The following STAMBP variants were observed in gnomAD, a reference collection of about 807,000 sequenced individuals.
The protein encoded by STAMBP is STAM-binding protein.
Under a neutral mutation model 50.7 loss-of-function variants are expected in STAMBP, and 31 were observed. That is an observed-to-expected ratio of 0.61 (90% CI 0.46 to 0.83). The LOEUF is 0.83. Among genes scored for constraint, STAMBP ranks in the 40% least tolerant of loss-of-function variants. The pLI is 0.00. For missense variants in STAMBP, 472 were observed against 518.9 expected, an observed-to-expected ratio of 0.91 and a Z score of 0.88; for synonymous variants, 211 against 192.4, an observed-to-expected ratio of 1.10 and a Z score of -0.80.
chr2:73,872,759 A>C (rs1679250674), intron 10 of STAMBP, among the ~76,000 whole-genome samples: 1 of 152,242 alleles, frequency 6.6e-6, no homozygotes, highest in African/African-American at 2.4e-5. Flanking sequence ...GGACTCTAGA[A>C]ACCTCGTAGA....
chr2:73,872,664 A>G (rs1679248482), intron 10 of STAMBP, among the ~76,000 whole-genome samples: 2 of 152,216 alleles, frequency 1.3e-5, no homozygotes, highest in Admixed American at 1.3e-4. Flanking sequence ...GTGAGGGAGA[A>G]ATGAATGTTC....
chr2:73,859,693 AAAAT>A (rs1328314706), intron 8 of STAMBP, among the ~76,000 whole-genome samples: 6 of 141,236 alleles, frequency 4.2e-5, no homozygotes, highest in Non-Finnish European at 4.5e-5. Flanking sequence ...AAAAAAATAA[AAAAT>A]AAAAAATAAA....
intron 2 of STAMBP, among the ~76,000 whole-genome samples, chr2:73,842,667 G>A (rs1402019106): frequency 6.6e-6 from 1 of 152,152 alleles, no homozygotes; most frequent in African/African-American, 2.4e-5. Flanking sequence ...TTAGTGCATG[G>A]TAAAGTTGGT....
At chr2:73,868,326 T>G (rs1679049902), downstream of STAMBP, among the ~76,000 whole-genome samples, 1 of 152,096 alleles carries the variant, frequency 6.6e-6, no homozygotes. Context: ...TTATGCATCC[T>G]CATGTAGGAC....
At chr2:73,836,261 C>G (rs1674699208) in intron 2 of STAMBP, among the ~76,000 whole-genome samples, 1 of 152,184 alleles carries the variant, frequency 6.6e-6, no homozygotes, top group South Asian at 2.1e-4. Flanking sequence ...AAGGGCTGGC[C>G]CGTCGTCGGA....
Position 73,862,627 on chromosome 2 carries a change from T to C in STAMBP, c.*368T>C. ...CTATCCTTCTAATTTCTCTCTAATT[T>C]CAATTTGTTTATATTTACCTCTGGG... On this transcript the variant is annotated 3_prime_UTR_variant, in exon 10 of 10. Transcript: ENST00000394070. 1 of 157,418 alleles carries C rather than the reference T, an allele frequency of 6.4e-6. No homozygotes were observed. Among genetic ancestry groups the C allele is most frequent in the East Asian group, 1.8e-4 (1 of 5,430 alleles). 9.8% of individuals were successfully genotyped at this position (157,418 alleles called of 1,614,324 possible). A position where few individuals can be genotyped will look rare whatever the true frequency, so the allele number is the denominator to read the frequency against.
At chr2:73,853,064 G>T (rs1333942617) in intron 7 of STAMBP, among the ~76,000 whole-genome samples, 1 of 151,946 alleles carries the variant, frequency 6.6e-6, no homozygotes, top group African/African-American at 2.4e-5. Context: ...GCCAAGGAAG[G>T]CTTTAAGAAA....
chr2:73,846,590 C>T (rs941374706), intron 4 of STAMBP, among the ~76,000 whole-genome samples: 3 of 149,726 alleles, frequency 2.0e-5, no homozygotes, highest in Admixed American at 6.7e-5. Flanking sequence ...TTGACCACTA[C>T]AGTCCAGCCT....
intron 2 of STAMBP, among the ~76,000 whole-genome samples, chr2:73,839,450 A>G (rs1024605289): frequency 6.6e-5 from 10 of 152,144 alleles, no homozygotes; most frequent in African/African-American, 2.4e-4. Flanking sequence ...TTTTTCTGAA[A>G]ATGAACTGTC....
chr2:73,836,662 G>C (rs1043122358), intron 2 of STAMBP, among the ~76,000 whole-genome samples: 2 of 152,248 alleles, frequency 1.3e-5, no homozygotes, highest in Non-Finnish European at 2.9e-5. Context: ...GAGGCTGGGA[G>C]GGAGAGCAGT....
chr2:73,870,618 GACA>G (rs1224570367), downstream of STAMBP, among the ~76,000 whole-genome samples: 3 of 152,162 alleles, frequency 2.0e-5, no homozygotes, highest in African/African-American at 7.2e-5. Context: ...ATTGGTGGGT[GACA>G]GAAGTGAAAA....
Position 73,844,978 on chromosome 2 carries a change from G to C in STAMBP, c.279+90G>C, listed in dbSNP as rs1573312028. On this transcript the variant is annotated intron_variant, in intron 3 of 9. Transcript: ENST00000394070. ...TAAAAGTAGTAGTCTCTGCATCTGA[G>C]TACCAGATCCTGCAATAGGAGATAA... is the stretch of plus-strand genomic sequence containing the variant. The C allele has an allele frequency of 7.8e-6, 12 of 1,544,752 alleles. No individual in the cohort carries two copies. The East Asian group carries it at 2.8e-4, about 36-fold the overall frequency.
downstream of STAMBP, among the ~76,000 whole-genome samples, chr2:73,868,184 A>G (rs1679041444): frequency 6.6e-6 from 1 of 152,036 alleles, no homozygotes; most frequent in African/African-American, 2.4e-5. Context: ...TATGAGCACA[A>G]TCTCATAAAT....
intron 7 of STAMBP, chr2:73,855,523 T>G (rs903866125): frequency 1.8e-5 from 8 of 446,260 alleles, no homozygotes; most frequent in Non-Finnish European, 3.2e-5. Flanking sequence ...TACCCACGTT[T>G]GCTCCCAGTT....
chr2:73,850,189 G>A lies in STAMBP; in HGVS notation c.868-187G>A, dbSNP rs1040609439. 3.3e-5 allele frequency among the ~76,000 whole-genome samples: 5 copies of A among 152,290 alleles called. No individual in the cohort carries two copies. Among genetic ancestry groups the A allele is most frequent in the East Asian group, 3.9e-4 (2 of 5,182 alleles). Reference sequence around the variant, plus strand: ...TCTGGGGTTGGTCTCTGCATCTGTCGCTGTACAGAGTACCCCAGGCAATGT... The same window carrying A: ...TCTGGGGTTGGTCTCTGCATCTGTCACTGTACAGAGTACCCCAGGCAATGT... On this transcript the variant is annotated intron_variant, in intron 6 of 9. Transcript: ENST00000394070. The surrounding 1 kb of genome is among the most constrained non-coding windows in gnomAD (Gnocchi z 4.3).
At chr2:73,848,636 G>C (rs1021906434) in intron 5 of STAMBP, among the ~76,000 whole-genome samples, 12 of 152,176 alleles carry the variant, frequency 7.9e-5, no homozygotes, top group Non-Finnish European at 1.6e-4. Context: ...GCCTGGCAAA[G>C]GCCTTCTTGC....
At position 73,860,155 on chromosome 2, in the gene STAMBP, C is replaced by A. The variant is rs190122375; in HGVS notation, c.1218+4C>A. 1.9e-6 allele frequency: 3 copies of A among 1,611,028 alleles called. No homozygotes were observed. Among genetic ancestry groups the A allele is most frequent in the Non-Finnish European group, 2.5e-6 (3 of 1,177,972 alleles). ...CAAGGATCCACCTCTGTTCTGTGTA[C>A]GTATCTATGTAAAAGAAAATGGGGC... On this transcript the variant is annotated splice_donor_region_variant and intron_variant, in intron 9 of 9. Transcript: ENST00000394070.
chr2:73,850,292 C>G lies in STAMBP; in HGVS notation c.868-84C>G. 1.3e-6 allele frequency: 2 copies of G among 1,514,064 alleles called. No individual in the cohort carries two copies. The highest frequency in any genetic ancestry group is 1.8e-6 in the Non-Finnish European group (2 of 1,126,262). 93.8% of individuals were successfully genotyped at this position (1,514,064 alleles called of 1,614,324 possible). ...GGAAGGGCTTTCACTTGTATAGATG[C>G]TTACCTTTCCACTGTCGGGATGGAG... is the stretch of plus-strand genomic sequence containing the variant. On this transcript the variant is annotated intron_variant, in intron 6 of 9. Transcript: ENST00000394070. The surrounding 1 kb of genome is among the most constrained non-coding windows in gnomAD (Gnocchi z 4.3).
chr2:73,836,297 G>C (rs1336348039), intron 2 of STAMBP, among the ~76,000 whole-genome samples: 2 of 152,228 alleles, frequency 1.3e-5, no homozygotes, highest in Non-Finnish European at 2.9e-5. Context: ...CTGGGGTGGA[G>C]GAGGTGAGGC....
Sources: allele counts gnomAD v4.1 joint callset (sites outside exome capture counted in the v4.1 genomes callset), GRCh38; gene constraint gnomAD v4.1.1; non-coding constraint Gnocchi (gnomAD v3.1); transcripts MANE v1.5; gene names NCBI Gene and HGNC (gene_info 2026-07-23, HGNC 2026-07-21).